PHF21B: variants seen among roughly 807,000 people sequenced by gnomAD.
The protein encoded by PHF21B is PHD finger protein 21B, also known as PHD finger protein 4.
A neutral mutation model predicts 62.2 loss-of-function variants in PHF21B; 22 were observed. The observed-to-expected ratio is 0.35, with a 90% CI of 0.25 to 0.51. The LOEUF is 0.51. PHF21B is among the 20% of genes least tolerant of loss of function. The pLI is 0.97. For synonymous variants in PHF21B, 341 were observed against 314.7 expected (o/e 1.08, Z -0.88); for missense variants, 701 against 707.9 (o/e 0.99, Z 0.11).
intron 2 of PHF21B, among the ~76,000 whole-genome samples, chr22:44,981,680 G>A (rs1247620286): frequency 6.6e-6 from 1 of 152,190 alleles, no homozygotes; most frequent in East Asian, 1.9e-4. Flanking sequence ...TGCTCTCTCA[G>A]AAAGGAGGGG....
At chr22:44,916,230 T>C in intron 4 of PHF21B, 50 bp downstream of exon 4, 2 of 1,540,180 alleles carry the variant, frequency 1.3e-6, no homozygotes, top group Admixed American at 2.0e-5. Flanking sequence ...GCTCTCGGCC[T>C]CCTGTATGCG....
At chr22:44,944,622 G>A (rs1473696062) in intron 2 of PHF21B, among the ~76,000 whole-genome samples, 8 of 152,196 alleles carry the variant, frequency 5.3e-5, no homozygotes, top group South Asian at 2.1e-4. Context: ...AGCAAATGAC[G>A]CATCACAGGG....
At position 44,896,028 on chromosome 22, in the gene PHF21B, T is replaced by G. The variant is rs1487646337; in HGVS notation, c.883+4A>C. ...AACCTGCTGCTACCTGGATCCTTCC[T>G]TACCTTCCAAATGTTCCGTGGTAAC... On this transcript the variant is annotated splice_donor_region_variant and intron_variant, in intron 6 of 12. Transcript: ENST00000313237. 20 of 1,614,024 alleles carry G rather than the reference T, an allele frequency of 1.2e-5. No individual in the cohort carries two copies. The highest frequency in any genetic ancestry group is 1.6e-5 in the Non-Finnish European group (19 of 1,180,018).
At chr22:44,949,316 A>G (rs1270029857) in intron 2 of PHF21B, among the ~76,000 whole-genome samples, 7 of 151,030 alleles carry the variant, frequency 4.6e-5, no homozygotes, top group South Asian at 2.1e-4. Context: ...AAAAGAAAAA[A>G]AAAAAAAAAG....
intron 3 of PHF21B, among the ~76,000 whole-genome samples, chr22:44,917,264 C>T (rs1223086235): frequency 1.3e-5 from 2 of 152,230 alleles, no homozygotes; most frequent in African/African-American, 2.4e-5. Context: ...CCTGGTGACA[C>T]ACCTGAACTG....
chr22:44,919,684 G>A (rs2071500122), intron 3 of PHF21B, among the ~76,000 whole-genome samples: 1 of 152,264 alleles, frequency 6.6e-6, no homozygotes, highest in South Asian at 2.1e-4. Context: ...TACAGCAAGT[G>A]CTCAACAAAG....
intron 5 of PHF21B, among the ~76,000 whole-genome samples, chr22:44,910,029 C>T (rs1445649132): frequency 6.6e-6 from 1 of 152,216 alleles, no homozygotes; most frequent in African/African-American, 2.4e-5. Flanking sequence ...ATCCTGATGT[C>T]CCTAGCCTTT....
At chr22:44,902,277 A>G in intron 5 of PHF21B, 1 of 248,352 alleles carries the variant, frequency 4.0e-6, no homozygotes. Flanking sequence ...ACAGAGAAGT[A>G]CAAGATTACA....
At chr22:44,947,857 G>A (rs1048037507) in intron 2 of PHF21B, among the ~76,000 whole-genome samples, 6 of 152,054 alleles carry the variant, frequency 3.9e-5, no homozygotes, top group South Asian at 4.1e-4. Flanking sequence ...ATCCAGATAC[G>A]ACTTACAAAC....
At chr22:44,985,985 C>T (rs1011579686) in intron 2 of PHF21B, among the ~76,000 whole-genome samples, 21 of 151,792 alleles carry the variant, frequency 1.4e-4, no homozygotes, top group Admixed American at 1.3e-3. Flanking sequence ...CAACCATCCT[C>T]ATCACCATCA....
Position 44,884,139 on chromosome 22 carries a change from A to C in PHF21B, c.1378-835T>G. On this transcript the variant is annotated intron_variant, in intron 12 of 12. Transcript: ENST00000313237. ...CATCACCATCATGATCACCATTATC[A>C]CCACCACCACCATCACTGTGATCAG... Among the ~76,000 whole-genome samples, 2 of 134,854 alleles carry C rather than the reference A, an allele frequency of 1.5e-5. 1 individual carries two copies. The highest frequency in any genetic ancestry group is 3.1e-5 in the Non-Finnish European group (2 of 64,808). The allele number at this position is 134,854 out of a possible 152,430, so 88.5% of individuals were successfully genotyped here. A position where few individuals can be genotyped will look rare whatever the true frequency, so the allele number is the denominator to read the frequency against.
rs77409377 is a variant in PHF21B, at chr22:45,008,616, G to A, written c.55-6C>T. On this transcript the variant is annotated splice_polypyrimidine_tract_variant and splice_region_variant and intron_variant, in intron 1 of 12. Coordinates refer to ENST00000313237, the MANE Select transcript of PHF21B (RefSeq NM_138415.5). ...TGCTTCTTGAGGTCGCCGTTCTGCGGAAACACGGAGGAGCGGGCTCAGGCA... is the reference window on the plus strand; with the variant it reads ...TGCTTCTTGAGGTCGCCGTTCTGCGAAAACACGGAGGAGCGGGCTCAGGCA... 64,773 of 1,577,396 alleles carry A rather than the reference G, an allele frequency of 0.041. 2,308 individuals are homozygous for A. The highest frequency in any genetic ancestry group is 0.16 in the South Asian group (13,497 of 86,158).
At chr22:44,981,760 A>G (rs531912029) in intron 2 of PHF21B, among the ~76,000 whole-genome samples, 26 of 152,338 alleles carry the variant, frequency 1.7e-4, no homozygotes, top group African/African-American at 6.3e-4. Context: ...GAAATGTGAC[A>G]AGCTACAGCG....
intron 2 of PHF21B, among the ~76,000 whole-genome samples, chr22:44,968,643 CAAAAAAAAAA>C (rs57203297): frequency 8.8e-6 from 1 of 113,776 alleles, no homozygotes; most frequent in Non-Finnish European, 1.9e-5. Context: ...GATTCCATCT[CAAAAAAAAAA>C]AAAAAAAAAA....
At chr22:44,953,087 G>A (rs899032825) in intron 2 of PHF21B, among the ~76,000 whole-genome samples, 3 of 152,196 alleles carry the variant, frequency 2.0e-5, no homozygotes, top group African/African-American at 7.2e-5. Context: ...TCAGTCCTGA[G>A]CAGCCCCTTC....
At chr22:44,908,365 C>T (rs2071287908) in intron 5 of PHF21B, among the ~76,000 whole-genome samples, 1 of 152,100 alleles carries the variant, frequency 6.6e-6, no homozygotes, top group African/African-American at 2.4e-5. Flanking sequence ...CGGCAGCTAA[C>T]ACCCTCCTAG....
At chr22:44,966,021 T>C (rs546626241) in intron 2 of PHF21B, among the ~76,000 whole-genome samples, 47 of 152,278 alleles carry the variant, frequency 3.1e-4, no homozygotes, top group African/African-American at 1.1e-3. Context: ...GAGTGCTGTG[T>C]CTTCCTCTGG....
intron 10 of PHF21B, among the ~76,000 whole-genome samples, chr22:44,887,536 C>T (rs1369770463): frequency 6.6e-6 from 1 of 152,048 alleles, no homozygotes; most frequent in African/African-American, 2.4e-5. Context: ...GTCTTGATCA[C>T]CTGAGGTCAG....
intron 2 of PHF21B, among the ~76,000 whole-genome samples, chr22:45,002,571 A>C (rs1445174587): frequency 6.6e-6 from 1 of 152,182 alleles, no homozygotes; most frequent in African/African-American, 2.4e-5. Context: ...GGGGCCTGTC[A>C]AGAGGCTCCC....
Sources: allele counts gnomAD v4.1 joint callset (sites outside exome capture counted in the v4.1 genomes callset), GRCh38; gene constraint gnomAD v4.1.1; transcripts MANE v1.5; gene names NCBI Gene and HGNC (gene_info 2026-07-23, HGNC 2026-07-21).